CLEC18B: variants seen among roughly 807,000 people sequenced by gnomAD.
CLEC18B encodes the protein mannose receptor-like 2.
A neutral mutation model predicts 60.4 loss-of-function variants in CLEC18B; 5 were observed. That is an observed-to-expected ratio of 0.08 (90% CI 0.04 to 0.17). CLEC18B has a LOEUF of 0.17. Ranked by LOEUF, CLEC18B falls within the 10% of genes least tolerant of loss-of-function variation. CLEC18B has a pLI of 1.00. For synonymous variants in CLEC18B, 16 were observed against 221.2 expected (o/e 0.07, Z 8.23); for missense variants, 26 against 572.8 (o/e 0.05, Z 9.74).
chr16:74,423,446 TG>T (rs1480547962), upstream of CLEC18B, among the ~76,000 whole-genome samples: 1 of 152,298 alleles, frequency 6.6e-6, no homozygotes, highest in African/African-American at 2.4e-5. Context: ...CCCAGAACTC[TG>T]GGAGGCCAAG....
intron 10 of CLEC18B, chr16:74,409,886 G>A (rs1435573773): frequency 6.2e-7 from 1 of 1,609,984 alleles, no homozygotes; most frequent in East Asian, 2.2e-5. Context: ...AGCCTGTGGG[G>A]ATGGTGGGGA....
chr16:74,419,336 G>A (rs2013569506), intron 2 of CLEC18B, among the ~76,000 whole-genome samples: 1 of 151,684 alleles, frequency 6.6e-6, no homozygotes, highest in South Asian at 2.1e-4. Flanking sequence ...GCTGGGGCCA[G>A]GAGCTGGGGG....
chr16:74,414,987 G>C (rs1018804830), intron 3 of CLEC18B, among the ~76,000 whole-genome samples: 1 of 152,056 alleles, frequency 6.6e-6, no homozygotes, highest in African/African-American at 2.4e-5. Context: ...TTGCAAACCA[G>C]AAAGGAGGAC....
intron 3 of CLEC18B, among the ~76,000 whole-genome samples, chr16:74,415,915 C>G (rs2013395033): frequency 6.6e-6 from 1 of 151,584 alleles, no homozygotes; most frequent in Non-Finnish European, 1.5e-5. Context: ...AAAAAACAAC[C>G]ACCAACAACA....
At chr16:74,416,024 G>A (rs1213952968) in intron 3 of CLEC18B, among the ~76,000 whole-genome samples, 1 of 152,286 alleles carries the variant, frequency 6.6e-6, no homozygotes, top group African/African-American at 2.4e-5. Flanking sequence ...ACTCTGGGAG[G>A]CCGAGGCAGG....
chr16:74,422,819 T>G (rs199895842), upstream of CLEC18B, among the ~76,000 whole-genome samples: 8,633 of 150,526 alleles, frequency 0.057, 505 homozygotes, highest in East Asian at 0.36. Flanking sequence ...TGTGCCACCA[T>G]GCCTGGCTAA....
chr16:74,416,131 C>T (rs1418305797), intron 3 of CLEC18B, among the ~76,000 whole-genome samples: 152 of 151,664 alleles, frequency 1.0e-3, no homozygotes, highest in African/African-American at 3.1e-3. Context: ...GGTGTGGTGG[C>T]GTGTGCCTGC....
intron 11 of CLEC18B, among the ~76,000 whole-genome samples, chr16:74,409,318 GCTGTAGCT>G (rs1296035267): frequency 5.5e-5 from 8 of 145,066 alleles, no homozygotes; most frequent in African/African-American, 2.1e-4. Context: ...CCCCTGCAGA[GCTGTAGCT>G]CTAGTCCTTC....
upstream of CLEC18B, chr16:74,422,220 TGCACCATGG>T (rs1285745122): frequency 1.3e-4 from 20 of 152,418 alleles, no homozygotes; most frequent in Non-Finnish European, 2.5e-4. Flanking sequence ...GGAGCAGATC[TGCACCATGG>T]GCCAAGTTTC....
intron 3 of CLEC18B, among the ~76,000 whole-genome samples, chr16:74,416,300 G>A (rs1276836676): frequency 6.0e-5 from 9 of 150,928 alleles, no homozygotes; most frequent in Non-Finnish European, 8.9e-5. Flanking sequence ...GAAGATCTTC[G>A]GGAAGTGGGA....
At chr16:74,422,794 A>G (rs1182962321), upstream of CLEC18B, among the ~76,000 whole-genome samples, 1 of 152,236 alleles carries the variant, frequency 6.6e-6, no homozygotes, top group African/African-American at 2.4e-5. Flanking sequence ...CCTCCCAAGT[A>G]GCTGGGACCA....
upstream of CLEC18B, among the ~76,000 whole-genome samples, chr16:74,423,471 T>C (rs1353687563): frequency 1.3e-5 from 2 of 152,280 alleles, no homozygotes; most frequent in Admixed American, 1.3e-4. Context: ...GGCGGATCAC[T>C]TGAGGTCAGG....
At chr16:74,424,197 G>A (rs1299700801), upstream of CLEC18B, among the ~76,000 whole-genome samples, 6 of 144,982 alleles carry the variant, frequency 4.1e-5, no homozygotes, top group Admixed American at 7.7e-5. Context: ...GAGTCATTTT[G>A]TCTCTTCCTG....
chr16:74,420,100 A>G (rs2013611580), intron 2 of CLEC18B, among the ~76,000 whole-genome samples: 1 of 152,072 alleles, frequency 6.6e-6, no homozygotes, highest in Non-Finnish European at 1.5e-5. Context: ...GCCGCACAGA[A>G]GCCCCTCCCC....
At chr16:74,414,116 C>G (rs1301952630) in intron 3 of CLEC18B, among the ~76,000 whole-genome samples, 1 of 152,306 alleles carries the variant, frequency 6.6e-6, no homozygotes, top group Non-Finnish European at 1.5e-5. Flanking sequence ...CTCAGGTGAA[C>G]TGCTTGCCTC....
At chr16:74,422,013 A>T (rs1357653012), upstream of CLEC18B, 2 of 144,294 alleles carry the variant, frequency 1.4e-5, no homozygotes, top group Admixed American at 7.1e-5. Flanking sequence ...CACCCACGTG[A>T]CTACAGGCCA....
chr16:74,413,807 C>T, intron 3 of CLEC18B, 131 bp from the exon 4 acceptor site: 1 of 1,519,590 alleles, frequency 6.6e-7, no homozygotes, highest in Non-Finnish European at 9.1e-7. Flanking sequence ...AGCAGCTGTC[C>T]TGGGCAGGGG....
intron 3 of CLEC18B, among the ~76,000 whole-genome samples, chr16:74,413,951 C>T (rs1249319140): frequency 1.4e-3 from 219 of 151,260 alleles, no homozygotes; most frequent in African/African-American, 5.0e-3. Flanking sequence ...TGGCTCACCA[C>T]AACCTCTACC....
In CLEC18B at chr16:74,410,547, A is replaced by C; in HGVS notation, c.1200T>G (p.Pro400=). 6.2e-7 allele frequency: 1 copy of C among 1,609,814 alleles called. No homozygotes were observed. The highest frequency in any genetic ancestry group is 1.7e-5 in the Admixed American group (1 of 59,416). The stretch of plus-strand genomic sequence containing the variant: ...CACCCCACACTTACCCGTGGTTGTC[A>C]GGCTGCCCAAAGGCAAAACTGGTGA... ...QAFTSFAFGQ[P]DNHGFGNCVE... is the part of the protein sequence containing the mutation. Residue 400 remains proline (P), a synonymous_variant, in exon 10 of 12, where the codon CCT becomes CCG. Coordinates refer to ENST00000682950, the MANE Select transcript of CLEC18B (RefSeq NM_001385193.1).
Sources: gnomAD v4.1 joint callset for allele counts (sites outside exome capture counted in the v4.1 genomes callset) on GRCh38, gnomAD v4.1.1 for gene constraint, MANE v1.5 for transcripts, NCBI Gene and HGNC (gene_info 2026-07-23, HGNC 2026-07-21) for gene names.